The following ATP6V0E2 variants were observed in gnomAD, a reference collection of about 807,000 sequenced individuals.
ATP6V0E2 encodes the protein ATPase H+ transporting V0 subunit e2, also known as V-type proton ATPase subunit e 2.
ATP6V0E2 carries 4 observed loss-of-function variants against 11.5 expected under a neutral mutation model. The ratio of observed to expected loss-of-function variants is 0.35; its 90% CI spans 0.17 to 0.80. ATP6V0E2 has a LOEUF of 0.80. Ranked by LOEUF, ATP6V0E2 falls within the 30% of genes least tolerant of loss-of-function variation. The pLI is 0.53. For synonymous variants in ATP6V0E2, 52 were observed against 51.0 expected, an observed-to-expected ratio of 1.02 and a Z score of -0.09; for missense variants, 93 against 113.5, an observed-to-expected ratio of 0.82 and a Z score of 0.82.
upstream of ATP6V0E2, chr7:149,873,760 G>A (rs1586089496): frequency 3.1e-6 from 3 of 979,802 alleles, no homozygotes; most frequent in East Asian, 6.0e-5. Context: ...TTGGCTGTGC[G>A]GGCGCGGGGC....
Position 149,873,974 on chromosome 7 carries a change from GCATGCT to G in ATP6V0E2, c.-89_-84del. 6.5e-7 allele frequency: 1 copy of G among 1,545,228 alleles called. No individual in the cohort carries two copies. ...GCTTCGGGTGCTCGACTCCTGTTGC[GCATGCT>G]CAGCGCGCTGCCCGGCTGGGGACCC... On this transcript the variant is annotated 5_prime_UTR_variant, in exon 1 of 4. The change abolishes an upstream ATG in the 5' untranslated region. Transcript: ENST00000425642.
At chr7:149,873,617 C>T (rs1364731651), upstream of ATP6V0E2, 3 of 301,800 alleles carry the variant, frequency 9.9e-6, no homozygotes, top group Non-Finnish European at 1.8e-5. Context: ...TTCGGGGCGG[C>T]CCAGGCTGCG....
rs1296655983 is a variant in ATP6V0E2 at position 149,879,319 on chromosome 7, G to A, written c.*20-16G>A. The stretch of plus-strand genomic sequence containing the variant: ...CACTGCAAGGCCGGGACCCTTCCAT[G>A]TGATGTGCTTTTCAGGTGCCCAGCT... On this transcript the variant is annotated splice_polypyrimidine_tract_variant and intron_variant, in intron 3 of 3. Coordinates refer to ENST00000425642, the MANE Select transcript of ATP6V0E2 (RefSeq NM_145230.4). The A allele has an allele frequency of 2.0e-6, 3 of 1,513,604 alleles. No individual in the cohort carries two copies. Among genetic ancestry groups the A allele is most frequent in the African/African-American group, 1.4e-5 (1 of 72,006 alleles). The allele number at this position is 1,513,604 out of a possible 1,614,324, so 93.8% of individuals were successfully genotyped here.
chr7:149,878,855 G>C (rs1803299519), intron 3 of ATP6V0E2, 65 bp downstream of exon 3: 1 of 576,824 alleles, frequency 1.7e-6, no homozygotes, highest in East Asian at 3.1e-5. Context: ...CACACCCAGG[G>C]CAGGCCTCGG....
At chr7:149,878,651 C>A in intron 2 of ATP6V0E2, 27 bp from the exon 3 acceptor site, 1 of 1,535,610 alleles carries the variant, frequency 6.5e-7, no homozygotes, top group Non-Finnish European at 8.7e-7. Flanking sequence ...CTGTGCCAGG[C>A]TCACCATGCT....
chr7:149,875,595 CAG>C lies in ATP6V0E2; in HGVS notation c.105_106del. On this transcript the variant is annotated splice_acceptor_variant, in intron 1 of 3. Transcript: ENST00000425642. LOFTEE classifies it high-confidence loss of function. ...TTCTGACCCGTGTCCTCTTCTGCTG[CAG>C]AGTGATCATCACCATGCTGGTCGCC... is the stretch of plus-strand genomic sequence containing the variant. 1.2e-6 allele frequency: 2 copies of C among 1,613,876 alleles called. No homozygotes were observed. Among genetic ancestry groups the C allele is most frequent in the Non-Finnish European group, 8.5e-7 (1 of 1,179,860 alleles).
Position 149,873,984 on chromosome 7 carries a change from C to T in ATP6V0E2, c.-82C>T. ...CTCGACTCCTGTTGCGCATGCTCAGCGCGCTGCCCGGCTGGGGACCCGCGC... is the reference window on the plus strand; with the variant it reads ...CTCGACTCCTGTTGCGCATGCTCAGTGCGCTGCCCGGCTGGGGACCCGCGC... On this transcript the variant is annotated 5_prime_UTR_variant, in exon 1 of 4. Coordinates refer to ENST00000425642, the MANE Select transcript of ATP6V0E2 (RefSeq NM_145230.4). 6.5e-7 allele frequency: 1 copy of T among 1,544,536 alleles called. No homozygotes were observed. Among genetic ancestry groups the T allele is most frequent in the Non-Finnish European group, 8.7e-7 (1 of 1,145,846 alleles).
chr7:149,879,701 A>G lies in ATP6V0E2; in HGVS notation c.*386A>G. On this transcript the variant is annotated 3_prime_UTR_variant, in exon 4 of 4. Transcript: ENST00000425642. ...GAGGAGGACACGTGTCCTCATGGAG[A>G]GGGTGCTCCGGCCCAGGCGGGGGAG... 7.2e-7 allele frequency: 1 copy of G among 1,382,750 alleles called. No homozygotes were observed. Among genetic ancestry groups the G allele is most frequent in the Non-Finnish European group, 9.4e-7 (1 of 1,061,238 alleles). The allele number at this position is 1,382,750 out of a possible 1,614,324, so 85.7% of individuals were successfully genotyped here. A position where few individuals can be genotyped will look rare whatever the true frequency, so the allele number is the denominator to read the frequency against.
At chr7:149,876,801 C>T (rs1166377461) in intron 2 of ATP6V0E2, among the ~76,000 whole-genome samples, 1 of 152,152 alleles carries the variant, frequency 6.6e-6, no homozygotes, top group East Asian at 1.9e-4. Flanking sequence ...GTTGGGTGTT[C>T]TTAATTCAGA....
rs186812964 is a variant in ATP6V0E2, at chr7:149,879,986, C to G, written c.*671C>G. On this transcript the variant is annotated 3_prime_UTR_variant, in exon 4 of 4. Coordinates refer to ENST00000425642, the MANE Select transcript of ATP6V0E2 (RefSeq NM_145230.4). ...GAGTATCCTGTTCCGCCTCCTGCCA[C>G]CTGGACCTCCCTCAGTGGATGTCTT... is the stretch of plus-strand genomic sequence containing the variant. 6.7e-5 allele frequency: 16 copies of G among 238,528 alleles called. No homozygotes were observed. In the East Asian group the frequency reaches 1.0e-3, roughly 15 times the overall value. The allele number at this position is 238,528 out of a possible 1,614,324, so 14.8% of individuals were successfully genotyped here. A position where few individuals can be genotyped will look rare whatever the true frequency, so the allele number is the denominator to read the frequency against.
intron 2 of ATP6V0E2, among the ~76,000 whole-genome samples, chr7:149,877,493 C>T (rs1204410697): frequency 6.6e-6 from 1 of 152,016 alleles, no homozygotes; most frequent in Non-Finnish European, 1.5e-5. Flanking sequence ...TGTATAAGCC[C>T]TCCTACTGAC....
intron 2 of ATP6V0E2, among the ~76,000 whole-genome samples, chr7:149,877,979 G>A (rs1477092861): frequency 6.6e-6 from 1 of 152,238 alleles, no homozygotes; most frequent in African/African-American, 2.4e-5. Context: ...GGAAAATACC[G>A]ATCCTTCCTG....
intron 1 of ATP6V0E2, 57 bp downstream of exon 1, chr7:149,874,226 C>T (rs1049934548): frequency 4.4e-5 from 65 of 1,487,430 alleles, no homozygotes; most frequent in Middle Eastern, 2.0e-4. Context: ...TGGCCCGGCT[C>T]GCCCCTCCGC....
At chr7:149,879,181 C>T in intron 3 of ATP6V0E2, 154 bp from the exon 4 acceptor site, 1 of 1,400,492 alleles carries the variant, frequency 7.1e-7, no homozygotes, top group Non-Finnish European at 9.2e-7. Flanking sequence ...CACCCCAAGG[C>T]AAGACCCTAA....
At chr7:149,875,012 C>T (rs1244780524) in intron 1 of ATP6V0E2, 1 of 153,618 alleles carries the variant, frequency 6.5e-6, no homozygotes, top group Admixed American at 6.4e-5. Flanking sequence ...ATTTTCGTGT[C>T]TTGCGTCTCC....
chr7:149,879,242 C>T (rs1803315543), intron 3 of ATP6V0E2, 93 bp from the exon 4 acceptor site: 1 of 1,409,074 alleles, frequency 7.1e-7, no homozygotes, highest in South Asian at 1.7e-5. Context: ...TGAGGACTAT[C>T]TGGGCAGGGG....
Position 149,875,656 on chromosome 7 carries a change from C to A in ATP6V0E2, c.152+11C>A. 1 of 1,612,114 alleles carries A rather than the reference C, an allele frequency of 6.2e-7. No homozygotes were observed. The highest frequency in any genetic ancestry group is 8.5e-7 in the Non-Finnish European group (1 of 1,178,896). On this transcript the variant is annotated intron_variant, in intron 2 of 3. Coordinates refer to ENST00000425642, the MANE Select transcript of ATP6V0E2 (RefSeq NM_145230.4). ...CTGCTGTTACCTCTTGTAAGTACTA[C>A]TCTCCCCAGCTCAAAGTCAGCCAGT... is the stretch of plus-strand genomic sequence containing the variant.
chr7:149,875,833 C>G, intron 2 of ATP6V0E2, 188 bp downstream of exon 2: 2 of 683,230 alleles, frequency 2.9e-6, no homozygotes, highest in Non-Finnish European at 5.2e-6. Context: ...GTCATGAACC[C>G]TGGGCTCTGG....
At chr7:149,873,496 G>C (rs1802942095), upstream of ATP6V0E2, 1 of 160,422 alleles carries the variant, frequency 6.2e-6, no homozygotes, top group Non-Finnish European at 1.4e-5. Flanking sequence ...CTGGGAGTGA[G>C]GAGAACGCGT....
Sources: gnomAD v4.1 joint callset for allele counts (sites outside exome capture counted in the v4.1 genomes callset) on GRCh38, gnomAD v4.1.1 for gene constraint, MANE v1.5 for transcripts, NCBI Gene and HGNC (gene_info 2026-07-23, HGNC 2026-07-21) for gene names.